The following TMEM178B variants were observed in gnomAD, a reference collection of about 807,000 sequenced individuals.
TMEM178B encodes transmembrane protein 178B.
Under a neutral mutation model 31.0 loss-of-function variants are expected in TMEM178B, and 5 were observed. The observed-to-expected ratio is 0.16, with a 90% confidence interval of 0.08 to 0.34. The LOEUF is 0.34. Among genes scored for constraint, TMEM178B ranks in the 10% least tolerant of loss-of-function variants. The pLI is 1.00. For missense variants in TMEM178B, 275 were observed against 400.3 expected, an observed-to-expected ratio of 0.69 and a Z score of 2.67; for synonymous variants, 164 against 164.0, an observed-to-expected ratio of 1.00 and a Z score of 0.00.
At chr7:141,396,656 A>G (rs866504075) in intron 2 of TMEM178B, among the ~76,000 whole-genome samples, 1 of 152,228 alleles carries the variant, frequency 6.6e-6, no homozygotes, top group Non-Finnish European at 1.5e-5. Context: ...AGGCTGCTCC[A>G]TATGTGGCCT....
chr7:141,192,521 C>T (rs1468076659), intron 1 of TMEM178B, among the ~76,000 whole-genome samples: 1 of 151,544 alleles, frequency 6.6e-6, no homozygotes, highest in Non-Finnish European at 1.5e-5. Context: ...CAGAGTCTCA[C>T]TCTGTCGCCC....
chr7:141,222,930 T>A (rs1797278956), intron 2 of TMEM178B, among the ~76,000 whole-genome samples: 1 of 152,196 alleles, frequency 6.6e-6, no homozygotes. Flanking sequence ...AATTTATCAG[T>A]TGTGCCCAAT....
chr7:141,327,012 G>A (rs1799203046), intron 2 of TMEM178B, among the ~76,000 whole-genome samples: 1 of 152,160 alleles, frequency 6.6e-6, no homozygotes. Context: ...TGCAACTCTA[G>A]ATCAAACCAT....
intron 1 of TMEM178B, among the ~76,000 whole-genome samples, chr7:141,145,097 C>A (rs1209812023): frequency 6.6e-6 from 1 of 152,186 alleles, no homozygotes; most frequent in South Asian, 2.1e-4. Flanking sequence ...AAGACTTGCC[C>A]CAGGCCTGTG....
chr7:141,487,777 A>C, the TMEM178B span, among the ~76,000 whole-genome samples: 1 of 148,258 alleles, frequency 6.7e-6, no homozygotes, highest in African/African-American at 2.5e-5. Flanking sequence ...AAAATTGTGG[A>C]CTTCACGACC....
chr7:141,331,605 CA>C (rs201981546), intron 2 of TMEM178B, among the ~76,000 whole-genome samples: 1,739 of 151,992 alleles, frequency 0.011, 13 homozygotes, highest in Non-Finnish European at 0.013. Context: ...AAATGGGAGA[CA>C]AAAAATTGGA....
intron 1 of TMEM178B, among the ~76,000 whole-genome samples, chr7:141,140,733 A>G (rs933685402): frequency 3.3e-5 from 5 of 152,178 alleles, no homozygotes; most frequent in African/African-American, 1.2e-4. Flanking sequence ...AGTACTGGTC[A>G]GGGATATTGT....
rs1364811369 is a variant in TMEM178B at position 141,478,325 on chromosome 7, A to C, written c.*7539A>C. 1 of 152,282 alleles carries C rather than the reference A, an allele frequency of 6.6e-6. No individual in the cohort carries two copies. The allele number at this position is 152,282 out of a possible 1,614,324, so 9.4% of individuals were successfully genotyped here. A position where few individuals can be genotyped will look rare whatever the true frequency, so the allele number is the denominator to read the frequency against. ...GATTAGGTAAATCTGCAGCATAAAC[A>C]GCTGTCTCCCTGCAGGACTGAGAAG... On this transcript the variant is annotated 3_prime_UTR_variant, in exon 4 of 4. Coordinates refer to ENST00000565468, the MANE Select transcript of TMEM178B (RefSeq NM_001195278.2).
intron 1 of TMEM178B, among the ~76,000 whole-genome samples, chr7:141,169,601 A>G (rs1265637982): frequency 6.6e-6 from 1 of 152,248 alleles, no homozygotes; most frequent in African/African-American, 2.4e-5. Context: ...GGCTCTGCAA[A>G]GAATCATCCA....
At chr7:141,184,683 A>T (rs1379152856) in intron 1 of TMEM178B, among the ~76,000 whole-genome samples, 3 of 152,114 alleles carry the variant, frequency 2.0e-5, no homozygotes, top group Admixed American at 1.3e-4. Flanking sequence ...TATGACATCA[A>T]TTCCCAGAGC....
chr7:141,509,729 C>A, the TMEM178B span, among the ~76,000 whole-genome samples: 1 of 152,178 alleles, frequency 6.6e-6, no homozygotes, highest in African/African-American at 2.4e-5. Context: ...AGAAACTTGG[C>A]AACCCAGCTC....
intron 1 of TMEM178B, chr7:141,173,264 G>T (rs1373251316): frequency 6.6e-6 from 1 of 152,234 alleles, no homozygotes. Context: ...CTGCAAGGTA[G>T]ACTGTAAGCT....
At chr7:141,230,455 ACTT>A (rs1227977847) in intron 2 of TMEM178B, among the ~76,000 whole-genome samples, 1 of 152,154 alleles carries the variant, frequency 6.6e-6, no homozygotes, top group Non-Finnish European at 1.5e-5. Flanking sequence ...AGCCACTTGT[ACTT>A]CTCCTTTGTA....
chr7:141,084,492 C>A lies in TMEM178B; in HGVS notation c.382+9800C>A, dbSNP rs573472. On this transcript the variant is annotated intron_variant, in intron 1 of 3. Coordinates refer to ENST00000565468, the MANE Select transcript of TMEM178B (RefSeq NM_001195278.2). ...AGATAGGTAAACTCACAAGTACAAG[C>A]CCCCTGGTTGGTTCTATGGGAGATT... is the stretch of plus-strand genomic sequence containing the variant. 8.8e-3 allele frequency among the ~76,000 whole-genome samples: 1,333 copies of A among 152,264 alleles called. 21 individuals carry two copies. The highest frequency in any genetic ancestry group is 0.03 in the African/African-American group (1,255 of 41,532).
At chr7:141,333,295 C>G (rs986806934) in intron 2 of TMEM178B, among the ~76,000 whole-genome samples, 1 of 152,220 alleles carries the variant, frequency 6.6e-6, no homozygotes, top group East Asian at 1.9e-4. Flanking sequence ...CTCTTCACTT[C>G]CCCAGCATCA....
intron 2 of TMEM178B, among the ~76,000 whole-genome samples, chr7:141,401,563 A>G (rs1207742198): frequency 6.6e-6 from 1 of 152,076 alleles, no homozygotes; most frequent in Non-Finnish European, 1.5e-5. Context: ...CTACGGGTGC[A>G]TGCCACCACA....
intron 3 of TMEM178B, among the ~76,000 whole-genome samples, chr7:141,458,860 G>A (rs1802011691): frequency 6.6e-6 from 1 of 152,188 alleles, no homozygotes; most frequent in African/African-American, 2.4e-5. Context: ...ATGGGTGCAT[G>A]CACCTGTGCG....
chr7:141,502,509 C>T, the TMEM178B span, among the ~76,000 whole-genome samples: 5 of 152,186 alleles, frequency 3.3e-5, no homozygotes, highest in East Asian at 3.9e-4. Flanking sequence ...TGGTGGCTCA[C>T]GCCTGTAATC....
At chr7:141,421,516 T>C (rs555200983) in intron 2 of TMEM178B, among the ~76,000 whole-genome samples, 1 of 152,300 alleles carries the variant, frequency 6.6e-6, no homozygotes, top group Non-Finnish European at 1.5e-5. Flanking sequence ...GCACAGTGAA[T>C]AAAAGCGTGG....
Sources: allele counts gnomAD v4.1 joint callset (sites outside exome capture counted in the v4.1 genomes callset), GRCh38; gene constraint gnomAD v4.1.1; transcripts MANE v1.5; gene names NCBI Gene and HGNC (gene_info 2026-07-23, HGNC 2026-07-21).